Variants in CCDC149 observed in about 807,000 individuals in gnomAD.
The protein encoded by CCDC149 is coiled-coil domain-containing protein 149.
CCDC149 carries 45 observed loss-of-function variants against 59.9 expected under a neutral mutation model. That is an observed-to-expected ratio of 0.75 (90% CI 0.59 to 0.96). The LOEUF (loss-of-function observed/expected upper bound fraction) is 0.96. Among genes scored for constraint, CCDC149 ranks in the 40% least tolerant of loss-of-function variants. The pLI, the probability that CCDC149 is intolerant of heterozygous loss-of-function variation, is 0.00. For missense variants in CCDC149, 584 were observed against 664.7 expected (o/e 0.88, Z 1.33); for synonymous variants, 245 against 260.6 (o/e 0.94, Z 0.58).
intron 12 of CCDC149, among the ~76,000 whole-genome samples, chr4:24,809,668 TC>T (rs1714470503): frequency 6.6e-6 from 1 of 152,294 alleles, no homozygotes; most frequent in Non-Finnish European, 1.5e-5. Context: ...TTCCCAGCCC[TC>T]AGGCTAAACA....
intron 1 of CCDC149, among the ~76,000 whole-genome samples, chr4:24,882,361 G>A (rs1008750933): frequency 2.6e-5 from 4 of 152,164 alleles, no homozygotes; most frequent in Non-Finnish European, 4.4e-5. Flanking sequence ...CAGTTTGATC[G>A]CAACAGGAGT....
At chr4:24,963,380 C>A (rs55977231) in intron 1 of CCDC149, among the ~76,000 whole-genome samples, 26,525 of 152,038 alleles carry the variant, frequency 0.17, 3,121 homozygotes, top group African/African-American at 0.32. Flanking sequence ...AGAGCCTCCA[C>A]CCCCATCCAG....
chr4:24,881,782 C>T (rs937584312), intron 1 of CCDC149, among the ~76,000 whole-genome samples: 1 of 152,180 alleles, frequency 6.6e-6, no homozygotes, highest in Non-Finnish European at 1.5e-5. Context: ...GTAACACATG[C>T]TTTACCTGTA....
chr4:24,946,378 T>C, intron 1 of CCDC149, among the ~76,000 whole-genome samples: 1 of 152,224 alleles, frequency 6.6e-6, no homozygotes, highest in East Asian at 1.9e-4. Context: ...TGTCTTCATA[T>C]GTGTCCTTGA....
At chr4:24,868,898 C>A (rs1046634903) in intron 3 of CCDC149, among the ~76,000 whole-genome samples, 4 of 152,156 alleles carry the variant, frequency 2.6e-5, no homozygotes, top group Non-Finnish European at 5.9e-5. Context: ...TGGGTAGTTT[C>A]CTTGAGCTCT....
intron 1 of CCDC149, among the ~76,000 whole-genome samples, chr4:24,977,630 C>T (rs1724263227): frequency 6.6e-6 from 1 of 152,116 alleles, no homozygotes; most frequent in Admixed American, 6.6e-5. Context: ...GTAGAAGGCG[C>T]CCAGCACTGG....
At chr4:24,853,810 GAGA>G (rs941544008) in intron 3 of CCDC149, among the ~76,000 whole-genome samples, 2 of 152,178 alleles carry the variant, frequency 1.3e-5, no homozygotes, top group Admixed American at 6.5e-5. Flanking sequence ...GGGGCGGCCA[GAGA>G]AGAAGTCAGT....
At chr4:24,845,615 A>G (rs150969678) in intron 4 of CCDC149, among the ~76,000 whole-genome samples, 410 of 152,348 alleles carry the variant, frequency 2.7e-3, no homozygotes, top group African/African-American at 9.4e-3. Context: ...TTATTTGCTT[A>G]CTGTCCATCT....
intron 1 of CCDC149, among the ~76,000 whole-genome samples, chr4:24,979,044 G>C (rs1724345346): frequency 6.6e-6 from 1 of 152,222 alleles, no homozygotes; most frequent in South Asian, 2.1e-4. Context: ...CACTTTGAGA[G>C]AGCAGGGAAG....
chr4:24,822,415 T>G (rs560316551), intron 10 of CCDC149, 82 bp downstream of exon 10: 27 of 844,906 alleles, frequency 3.2e-5, no homozygotes, highest in Middle Eastern at 2.6e-4. Context: ...GGTAGAAGAC[T>G]CTTGTAAATT....
intron 4 of CCDC149, among the ~76,000 whole-genome samples, chr4:24,848,229 A>C (rs74567818): frequency 4.4e-3 from 677 of 152,198 alleles, no homozygotes; most frequent in African/African-American, 0.016. Context: ...GTATCAGGTC[A>C]ACTGTCACAG....
chr4:24,870,984 G>A (rs1719005092), intron 3 of CCDC149, among the ~76,000 whole-genome samples: 1 of 149,872 alleles, frequency 6.7e-6, no homozygotes. Context: ...GGCACAGCTT[G>A]CAGTGAGCTG....
chr4:24,896,976 T>A (rs1720880767), intron 1 of CCDC149, among the ~76,000 whole-genome samples: 1 of 152,184 alleles, frequency 6.6e-6, no homozygotes, highest in Non-Finnish European at 1.5e-5. Context: ...CAGGACACTG[T>A]GCTGGTCACA....
chr4:24,810,468 C>G (rs60794377), intron 12 of CCDC149, among the ~76,000 whole-genome samples: 2 of 152,148 alleles, frequency 1.3e-5, no homozygotes, highest in Non-Finnish European at 2.9e-5. Context: ...CCTGGACCCC[C>G]TTTCCAGTCC....
chr4:24,945,026 T>C (rs1723065909), intron 1 of CCDC149, among the ~76,000 whole-genome samples: 1 of 152,216 alleles, frequency 6.6e-6, no homozygotes, highest in East Asian at 1.9e-4. Context: ...GGAAGATGCC[T>C]GTGCAGCCCC....
At chr4:24,944,275 C>A (rs1390301304) in intron 1 of CCDC149, among the ~76,000 whole-genome samples, 2 of 152,118 alleles carry the variant, frequency 1.3e-5, no homozygotes, top group Non-Finnish European at 2.9e-5. Flanking sequence ...TGGAAACTAT[C>A]ATTCTCAGCA....
chr4:24,974,873 G>T (rs61791868), intron 1 of CCDC149, among the ~76,000 whole-genome samples: 12 of 151,542 alleles, frequency 7.9e-5, no homozygotes, highest in Non-Finnish European at 1.5e-4. Flanking sequence ...AGTGAAAGAG[G>T]GGTTGAAAGG....
chr4:24,973,257 C>A (rs902574853), intron 1 of CCDC149, among the ~76,000 whole-genome samples: 1 of 152,178 alleles, frequency 6.6e-6, no homozygotes, highest in African/African-American at 2.4e-5. Flanking sequence ...CCACCTTGGG[C>A]ACATATTCTC....
intron 1 of CCDC149, among the ~76,000 whole-genome samples, chr4:24,918,806 A>T (rs972875366): frequency 6.6e-6 from 1 of 152,162 alleles, no homozygotes; most frequent in Non-Finnish European, 1.5e-5. Flanking sequence ...GTGTCAGTGT[A>T]TTGGGGCAAC....
Sources: gnomAD v4.1 joint callset for allele counts (sites outside exome capture counted in the v4.1 genomes callset) on GRCh38, gnomAD v4.1.1 for gene constraint, MANE v1.5 for transcripts, NCBI Gene and HGNC (gene_info 2026-07-23, HGNC 2026-07-21) for gene names.